The following ZBTB7C variants were observed in gnomAD, a reference collection of about 807,000 sequenced individuals.
The protein encoded by ZBTB7C is zinc finger and BTB domain containing 7C.
ZBTB7C carries 8 observed loss-of-function variants against 25.7 expected under a neutral mutation model. The ratio of observed to expected loss-of-function variants is 0.31; its 90% CI spans 0.18 to 0.56. The LOEUF is 0.56. Ranked by LOEUF, ZBTB7C falls within the 20% of genes least tolerant of loss-of-function variation. The pLI is 0.91. For missense variants in ZBTB7C, 824 were observed against 855.2 expected (o/e 0.96, Z 0.46); for synonymous variants, 394 against 369.0 (o/e 1.07, Z -0.78).
At chr18:48,033,920 C>T (rs547817198) in intron 4 of ZBTB7C, among the ~76,000 whole-genome samples, 8 of 152,202 alleles carry the variant, frequency 5.3e-5, no homozygotes, top group Non-Finnish European at 1.0e-4. Flanking sequence ...CTCTAAAATG[C>T]GGGTTGGGCT....
intron 1 of ZBTB7C, among the ~76,000 whole-genome samples, chr18:48,361,438 C>T (rs183861740): frequency 2.8e-4 from 42 of 152,264 alleles, no homozygotes; most frequent in Admixed American, 1.9e-3. Context: ...TTGATTCTTC[C>T]GTATAGTCTT....
At chr18:48,256,960 G>A (rs2044038760) in intron 2 of ZBTB7C, among the ~76,000 whole-genome samples, 1 of 151,820 alleles carries the variant, frequency 6.6e-6, no homozygotes, top group African/African-American at 2.4e-5. Flanking sequence ...CAAATAAGAG[G>A]TGAGATGAAT....
chr18:48,164,665 G>C (rs1253671144), intron 3 of ZBTB7C, among the ~76,000 whole-genome samples: 19 of 152,074 alleles, frequency 1.2e-4, no homozygotes, highest in Admixed American at 1.2e-3. Flanking sequence ...GTAAAGGCTA[G>C]TAAGCCCCTT....
chr18:48,298,019 G>A (rs1211667787), intron 2 of ZBTB7C, among the ~76,000 whole-genome samples: 3 of 152,116 alleles, frequency 2.0e-5, no homozygotes, highest in Non-Finnish European at 4.4e-5. Context: ...AGTGGCTCAC[G>A]CCTGTAATCC....
intron 2 of ZBTB7C, among the ~76,000 whole-genome samples, chr18:48,253,511 A>G (rs1367270138): frequency 6.6e-6 from 1 of 152,186 alleles, no homozygotes; most frequent in Non-Finnish European, 1.5e-5. Context: ...GCCTTGAGAG[A>G]GTGTCCAGGC....
At chr18:48,136,138 C>T (rs113682905) in intron 3 of ZBTB7C, among the ~76,000 whole-genome samples, 10,949 of 152,202 alleles carry the variant, frequency 0.072, 1,287 homozygotes, top group African/African-American at 0.25. Flanking sequence ...ATCGTCCTTC[C>T]CAGGCCAGCC....
chr18:48,052,111 T>C (rs555184323), intron 3 of ZBTB7C, among the ~76,000 whole-genome samples: 3 of 152,202 alleles, frequency 2.0e-5, no homozygotes, highest in Non-Finnish European at 4.4e-5. Flanking sequence ...TCGTCTCCCA[T>C]AAACAGCACT....
At chr18:48,179,032 C>T (rs1156431508) in intron 3 of ZBTB7C, among the ~76,000 whole-genome samples, 1 of 152,176 alleles carries the variant, frequency 6.6e-6, no homozygotes, top group Non-Finnish European at 1.5e-5. Flanking sequence ...GCCAGGGACC[C>T]TGAGGCTTAA....
chr18:48,246,832 C>G (rs888950745), intron 2 of ZBTB7C, among the ~76,000 whole-genome samples: 1 of 152,096 alleles, frequency 6.6e-6, no homozygotes, highest in Non-Finnish European at 1.5e-5. Context: ...GCACACACAC[C>G]CTGGCCTCTG....
chr18:48,183,535 C>T (rs1159820198), intron 3 of ZBTB7C, among the ~76,000 whole-genome samples: 1 of 152,166 alleles, frequency 6.6e-6, no homozygotes, highest in East Asian at 1.9e-4. Context: ...ATTTTAATAC[C>T]TATACTCCCA....
chr18:48,136,770 G>T (rs1293620202), intron 3 of ZBTB7C, among the ~76,000 whole-genome samples: 4 of 152,140 alleles, frequency 2.6e-5, no homozygotes, highest in African/African-American at 9.7e-5. Flanking sequence ...CCCCGCAGGA[G>T]CTCCGGCGAG....
chr18:48,235,673 T>C lies in ZBTB7C; in HGVS notation c.-78-49678A>G, dbSNP rs532536274. On this transcript the variant is annotated intron_variant, in intron 2 of 4. Coordinates refer to ENST00000590800, the MANE Select transcript of ZBTB7C (RefSeq NM_001318841.2). ...TCCTTTAGTGTGAACTCTCTGAGTT[T>C]TTGTTTGTCCAAATTTTTTTTATTA... Among the ~76,000 whole-genome samples the C allele has an allele frequency of 3.3e-5, 5 of 152,304 alleles. No individual in the cohort carries two copies. The East Asian group carries it at 9.6e-4, about 29-fold the overall frequency.
chr18:48,122,770 C>A (rs1228070954), intron 3 of ZBTB7C, among the ~76,000 whole-genome samples: 1 of 152,148 alleles, frequency 6.6e-6, no homozygotes, highest in Non-Finnish European at 1.5e-5. Context: ...CAGTCCAACC[C>A]AGGAGGAAGA....
At chr18:48,391,745 T>A (rs1262563898) in intron 1 of ZBTB7C, among the ~76,000 whole-genome samples, 3 of 152,084 alleles carry the variant, frequency 2.0e-5, no homozygotes, top group Non-Finnish European at 2.9e-5. Flanking sequence ...ATTCAGGTGG[T>A]CTGGGTAGGG....
chr18:48,286,455 A>G (rs1480519919), intron 2 of ZBTB7C, among the ~76,000 whole-genome samples: 1 of 152,204 alleles, frequency 6.6e-6, no homozygotes, highest in Admixed American at 6.5e-5. Context: ...AAGGATATCA[A>G]TGAAAGTATT....
chr18:48,345,798 G>T (rs999265825), intron 1 of ZBTB7C, among the ~76,000 whole-genome samples: 1 of 152,158 alleles, frequency 6.6e-6, no homozygotes, highest in Admixed American at 6.5e-5. Flanking sequence ...TTTGCACTCT[G>T]GCAAACCAAG....
intron 2 of ZBTB7C, among the ~76,000 whole-genome samples, chr18:48,291,576 T>A (rs1447384346): frequency 1.3e-5 from 2 of 152,138 alleles, no homozygotes; most frequent in African/African-American, 4.8e-5. Flanking sequence ...AGGACTCGGT[T>A]GTTATGAAAA....
At chr18:48,232,698 A>G (rs894557611) in intron 2 of ZBTB7C, among the ~76,000 whole-genome samples, 4 of 152,224 alleles carry the variant, frequency 2.6e-5, no homozygotes, top group Non-Finnish European at 4.4e-5. Flanking sequence ...GCTGAACTGG[A>G]ACTAAAATTT....
chr18:48,042,626 GC>G (rs1390379271), intron 3 of ZBTB7C, among the ~76,000 whole-genome samples: 4 of 152,190 alleles, frequency 2.6e-5, no homozygotes, highest in Non-Finnish European at 5.9e-5. Flanking sequence ...GATGCTGGGT[GC>G]CCCTCCGCTG....
Sources: allele counts gnomAD v4.1 joint callset (sites outside exome capture counted in the v4.1 genomes callset), GRCh38; gene constraint gnomAD v4.1.1; transcripts MANE v1.5; gene names NCBI Gene and HGNC (gene_info 2026-07-23, HGNC 2026-07-21).